Variants in CYGB observed in about 807,000 individuals in gnomAD.
CYGB encodes the protein histoglobin.
A neutral mutation model predicts 20.7 loss-of-function variants in CYGB; 13 were observed. The ratio of observed to expected loss-of-function variants is 0.63; its 90% confidence interval spans 0.41 to 1.00. CYGB has a LOEUF of 1.00. CYGB is among the 50% of genes least tolerant of loss of function. The pLI is 0.00. For synonymous variants in CYGB, 93 were observed against 107.4 expected, an observed-to-expected ratio of 0.87 and a Z score of 0.83; for missense variants, 218 against 257.2, an observed-to-expected ratio of 0.85 and a Z score of 1.04.
At position 76,527,869 on chromosome 17, in the gene CYGB, A is replaced by T. The variant is rs752150225; in HGVS notation, c.*709T>A. 41 of 444,540 alleles carry T rather than the reference A, an allele frequency of 9.2e-5. No individual in the cohort carries two copies. The highest frequency in any genetic ancestry group is 1.5e-4 in the Non-Finnish European group (34 of 219,516). The allele number at this position is 444,540 out of a possible 1,614,324, so 27.5% of individuals were successfully genotyped here. A position where few individuals can be genotyped will look rare whatever the true frequency, so the allele number is the denominator to read the frequency against. On this transcript the variant is annotated 3_prime_UTR_variant, in exon 4 of 4. Transcript: ENST00000293230. ...TCCTCTGAGGGAGTAGGGGGAGCCC[A>T]CTCCTTTCTGCCTGGAAGTGGAATT...
At chr17:76,536,728 T>G (rs2074917688) in intron 1 of CYGB, among the ~76,000 whole-genome samples, 1 of 152,166 alleles carries the variant, frequency 6.6e-6, no homozygotes, top group South Asian at 2.1e-4. Context: ...GGTTAGGCCC[T>G]GTCTCCTGAA....
At chr17:76,537,375 C>T in intron 1 of CYGB, 25 bp downstream of exon 1, 1 of 1,572,108 alleles carries the variant, frequency 6.4e-7, no homozygotes, top group Non-Finnish European at 8.6e-7. Flanking sequence ...CTGCCCAGGG[C>T]CCGGCCGGGC....
chr17:76,531,432 G>A lies in CYGB; in HGVS notation c.375+28C>T, dbSNP rs2074841616. The stretch of plus-strand genomic sequence containing the variant: ...GATGGCCATGACGCGTGGGCGGTGG[G>A]GGCTCTGCAGCAGATGGGGGCGCAT... On this transcript the variant is annotated intron_variant, in intron 2 of 3. Coordinates refer to ENST00000293230, the MANE Select transcript of CYGB (RefSeq NM_134268.5). The surrounding 1 kb of genome is among the most constrained non-coding windows in gnomAD (Gnocchi z 7.4). 4 of 1,592,704 alleles carry A rather than the reference G, an allele frequency of 2.5e-6. No homozygotes were observed. Among genetic ancestry groups the A allele is most frequent in the Non-Finnish European group, 3.4e-6 (4 of 1,162,652 alleles).
chr17:76,541,383 A>G (rs899830172), upstream of CYGB, among the ~76,000 whole-genome samples: 1 of 152,218 alleles, frequency 6.6e-6, no homozygotes, highest in Admixed American at 6.5e-5. Flanking sequence ...GTCAGGGCGC[A>G]CTGGCAGGAG....
chr17:76,542,522 A>G, upstream of CYGB: 1 of 1,614,086 alleles, frequency 6.2e-7, no homozygotes, highest in Non-Finnish European at 8.5e-7. Context: ...CGTGCCCTTC[A>G]ATCCTGACCC....
Position 76,528,212 on chromosome 17 carries a change from G to A in CYGB, c.*366C>T. 1 of 398,276 alleles carries A rather than the reference G, an allele frequency of 2.5e-6. No individual in the cohort carries two copies. The allele number at this position is 398,276 out of a possible 1,614,324, so 24.7% of individuals were successfully genotyped here. ...ATGTGTGCGTGATACTCTAGATGGT[G>A]ATGTGGAGACCTGCATGCTGGCCGG... On this transcript the variant is annotated 3_prime_UTR_variant, in exon 4 of 4. Coordinates refer to ENST00000293230, the MANE Select transcript of CYGB (RefSeq NM_134268.5). This position sits in a 1 kb window ranked among gnomAD's most constrained non-coding sequence, Gnocchi z 5.8.
intron 1 of CYGB, among the ~76,000 whole-genome samples, chr17:76,536,403 C>T (rs2074914267): frequency 6.6e-6 from 1 of 152,148 alleles, no homozygotes; most frequent in Admixed American, 6.5e-5. Flanking sequence ...GACAAGGCTG[C>T]CCTGCTCTGT....
chr17:76,528,379 G>A lies in CYGB; in HGVS notation c.*199C>T. The A allele has an allele frequency of 4.6e-6, 2 of 438,648 alleles. No homozygotes were observed. The highest frequency in any genetic ancestry group is 7.7e-6 in the Non-Finnish European group (2 of 258,152). 27.2% of individuals were successfully genotyped at this position (438,648 alleles called of 1,614,324 possible). On this transcript the variant is annotated 3_prime_UTR_variant, in exon 4 of 4. Coordinates refer to ENST00000293230, the MANE Select transcript of CYGB (RefSeq NM_134268.5). The surrounding 1 kb of genome is among the most constrained non-coding windows in gnomAD (Gnocchi z 5.8). The stretch of plus-strand genomic sequence containing the variant: ...GCCCCGCTCTGCCCGCCGCGCTGGG[G>A]TCAGCATCCAGGCAGCCAGCGCCGC...
chr17:76,540,818 C>T (rs935063942), upstream of CYGB, among the ~76,000 whole-genome samples: 5 of 152,324 alleles, frequency 3.3e-5, no homozygotes, highest in Admixed American at 6.5e-5. The surrounding 1 kb of genome is among the most constrained non-coding windows in gnomAD (Gnocchi z 5.0). Context: ...ATCTCCAGCA[C>T]GGGGCGGTCC....
At chr17:76,540,334 C>T (rs935563092), upstream of CYGB, 2 of 1,319,900 alleles carry the variant, frequency 1.5e-6, no homozygotes, top group South Asian at 2.5e-5. This position sits in a 1 kb window ranked among gnomAD's most constrained non-coding sequence, Gnocchi z 5.0. Context: ...GCTGGGAGGG[C>T]ATTTTGAGGA....
At position 76,528,483 on chromosome 17, in the gene CYGB, T is replaced by G; in HGVS notation, c.*95A>C. 1 of 1,129,930 alleles carries G rather than the reference T, an allele frequency of 8.9e-7. No homozygotes were observed. The highest frequency in any genetic ancestry group is 1.6e-5 in the African/African-American group (1 of 62,084). The allele number at this position is 1,129,930 out of a possible 1,614,324, so 70.0% of individuals were successfully genotyped here. A position where few individuals can be genotyped will look rare whatever the true frequency, so the allele number is the denominator to read the frequency against. On this transcript the variant is annotated 3_prime_UTR_variant, in exon 4 of 4. Transcript: ENST00000293230. This position sits in a 1 kb window ranked among gnomAD's most constrained non-coding sequence, Gnocchi z 5.8. ...AAGTTGAGTCAGGGATTCCTCCAGCTTCCTTGGCACCCAGAAATGGAGCGT... is the reference window on the plus strand; with the variant it reads ...AAGTTGAGTCAGGGATTCCTCCAGCGTCCTTGGCACCCAGAAATGGAGCGT...
Position 76,527,616 on chromosome 17 carries a change from G to C in CYGB, c.*962C>G. On this transcript the variant is annotated 3_prime_UTR_variant, in exon 4 of 4. Coordinates refer to ENST00000293230, the MANE Select transcript of CYGB (RefSeq NM_134268.5). Reference sequence around the variant, plus strand: ...CAGGGCCGACTGCCGGCCAGGAGGAGGGTGGGGTGGGGAAAGCCCTCGGCC... The same window carrying C: ...CAGGGCCGACTGCCGGCCAGGAGGACGGTGGGGTGGGGAAAGCCCTCGGCC... The C allele has an allele frequency of 2.2e-6, 1 of 453,548 alleles. No homozygotes were observed. The highest frequency in any genetic ancestry group is 4.4e-6 in the Non-Finnish European group (1 of 226,266). The allele number at this position is 453,548 out of a possible 1,614,324, so 28.1% of individuals were successfully genotyped here.
At chr17:76,537,854 GCAA>G (rs1230084491), upstream of CYGB, 6 of 151,856 alleles carry the variant, frequency 4.0e-5, no homozygotes, top group African/African-American at 1.5e-4. Flanking sequence ...GCCAATGCCG[GCAA>G]GGTGAAGGCT....
intron 1 of CYGB, chr17:76,545,310 T>C (rs1446265880): frequency 4.4e-6 from 2 of 456,746 alleles, no homozygotes; most frequent in East Asian, 1.4e-4. Flanking sequence ...TCACAGGGCT[T>C]AGTGTGAAGC....
chr17:76,547,712 CAG>C (rs769024409), intron 1 of CYGB, among the ~76,000 whole-genome samples: 7 of 150,364 alleles, frequency 4.7e-5, no homozygotes, highest in East Asian at 2.0e-4. Context: ...CACACACACA[CAG>C]AGACACATAC....
rs191109102 is a variant in CYGB at position 76,536,464 on chromosome 17, A to G, written c.143+936T>C. On this transcript the variant is annotated intron_variant, in intron 1 of 3. Transcript: ENST00000293230. Reference sequence around the variant, plus strand: ...CAAGAAGAGGGGCTTGAGGGTGAGCATGGTCTGGGGCTCCTCTGCCTGCAC... The same window carrying G: ...CAAGAAGAGGGGCTTGAGGGTGAGCGTGGTCTGGGGCTCCTCTGCCTGCAC... Among the ~76,000 whole-genome samples the G allele has an allele frequency of 3.2e-4, 49 of 152,264 alleles. 1 individual carries two copies. Among genetic ancestry groups the G allele is most frequent in the African/African-American group, 1.2e-3 (49 of 41,548 alleles).
chr17:76,527,869 A>G lies in CYGB; in HGVS notation c.*709T>C, dbSNP rs752150225. Reference sequence around the variant, plus strand: ...TCCTCTGAGGGAGTAGGGGGAGCCCACTCCTTTCTGCCTGGAAGTGGAATT... The same window carrying G: ...TCCTCTGAGGGAGTAGGGGGAGCCCGCTCCTTTCTGCCTGGAAGTGGAATT... On this transcript the variant is annotated 3_prime_UTR_variant, in exon 4 of 4. Coordinates refer to ENST00000293230, the MANE Select transcript of CYGB (RefSeq NM_134268.5). 1.6e-5 allele frequency: 7 copies of G among 444,540 alleles called. No homozygotes were observed. The highest frequency in any genetic ancestry group is 4.7e-5 in the Admixed American group (2 of 42,272). The allele number at this position is 444,540 out of a possible 1,614,324, so 27.5% of individuals were successfully genotyped here. A position where few individuals can be genotyped will look rare whatever the true frequency, so the allele number is the denominator to read the frequency against.
At position 76,531,574 on chromosome 17, in the gene CYGB, C is replaced by T; in HGVS notation, c.261G>A (p.Gly87=). The change falls in exon 2 of 4, where the codon GGG becomes GGA. Residue 87 remains glycine (G), a synonymous_variant. Coordinates refer to ENST00000293230, the MANE Select transcript of CYGB (RefSeq NM_134268.5). The surrounding 1 kb of genome is among the most constrained non-coding windows in gnomAD (Gnocchi z 7.4). The part of the protein sequence containing the change: ...QLRKHACRVM[G]ALNTVVENLH... Reference sequence around the variant, plus strand: ...GGTTCTCCACGACAGTGTTGAGGGCCCCCATGACTCGGCAGGCGTGCTTCC... The same window carrying T: ...GGTTCTCCACGACAGTGTTGAGGGCTCCCATGACTCGGCAGGCGTGCTTCC... The T allele has an allele frequency of 6.2e-7, 1 of 1,614,074 alleles. No homozygotes were observed. Among genetic ancestry groups the T allele is most frequent in the Non-Finnish European group, 8.5e-7 (1 of 1,179,908 alleles).
rs1387852731 is a variant in CYGB, at chr17:76,546,738, C to T, written c.-53+4124G>A. ...ATGTTAACATAATGATGATACTAAT[C>T]GTATGATTAATAACCACTAACATGC... On this transcript the variant is annotated intron_variant, in intron 1 of 3. Coordinates refer to the CYGB transcript ENST00000589145. This position sits in a 1 kb window ranked among gnomAD's most constrained non-coding sequence, Gnocchi z 4.5. 5 of 152,190 alleles carry T rather than the reference C, an allele frequency of 3.3e-5. No homozygotes were observed. Among genetic ancestry groups the T allele is most frequent in the African/African-American group, 1.2e-4 (5 of 41,418 alleles). The allele number at this position is 152,190 out of a possible 1,614,324, so 9.4% of individuals were successfully genotyped here.
Sources: allele counts gnomAD v4.1 joint callset (sites outside exome capture counted in the v4.1 genomes callset), GRCh38; gene constraint gnomAD v4.1.1; non-coding constraint Gnocchi (gnomAD v3.1); transcripts MANE v1.5; gene names NCBI Gene and HGNC (gene_info 2026-07-23, HGNC 2026-07-21).